Variants in FRAS1 observed in about 807,000 individuals in gnomAD.
FRAS1 encodes the protein Fraser extracellular matrix complex subunit 1, also known as extracellular matrix organizing protein FRAS1.
A neutral mutation model predicts 435.2 loss-of-function variants in FRAS1; 290 were observed. That is an observed-to-expected ratio of 0.67 (90% confidence interval 0.61 to 0.73). The LOEUF (loss-of-function observed/expected upper bound fraction) is 0.73. FRAS1 is among the 30% of genes least tolerant of loss of function. The probability of loss-of-function intolerance (pLI) is 0.00; values close to 1 mark genes in which losing one functional copy is unlikely to be tolerated. For synonymous variants in FRAS1, 1,800 were observed against 1,851.0 expected, an observed-to-expected ratio of 0.97 and a Z score of 0.71; for missense variants, 4,860 against 5,001.5, an observed-to-expected ratio of 0.97 and a Z score of 0.85.
rs1719026485 is a variant in FRAS1 at position 78,451,697 on chromosome 4, A to T, written c.6464-75A>T. 17 of 1,262,654 alleles carry T rather than the reference A, an allele frequency of 1.3e-5. 1 individual carries two copies. The South Asian group carries it at 2.5e-4, about 19-fold the overall frequency. The allele number at this position is 1,262,654 out of a possible 1,614,324, so 78.2% of individuals were successfully genotyped here. On this transcript the variant is annotated intron_variant, in intron 45 of 73. Transcript: ENST00000512123. ...GATTCATTGGTGTGAACACCAATTGAATTCACACCTCTTGCTTCAGAAATA... is the reference window on the plus strand; with the variant it reads ...GATTCATTGGTGTGAACACCAATTGTATTCACACCTCTTGCTTCAGAAATA...
At chr4:78,461,792 C>T (rs1046878234) in intron 47 of FRAS1, among the ~76,000 whole-genome samples, 1 of 152,144 alleles carries the variant, frequency 6.6e-6, no homozygotes, top group African/African-American at 2.4e-5. Flanking sequence ...CAAAGATTTG[C>T]ACACTAATAA....
chr4:78,447,009 C>A, intron 43 of FRAS1, 129 bp downstream of exon 43: 1 of 901,484 alleles, frequency 1.1e-6, no homozygotes, highest in Non-Finnish European at 1.6e-6. Context: ...AAAGTGTAAT[C>A]AAATTCACAG....
At position 78,245,148 on chromosome 4, in the gene FRAS1, T is replaced by C. The variant is rs1725172904; in HGVS notation, c.217-85T>C. 4 of 882,702 alleles carry C rather than the reference T, an allele frequency of 4.5e-6. No homozygotes were observed. In the South Asian group the frequency reaches 5.7e-5, roughly 13 times the overall value. 54.7% of individuals were successfully genotyped at this position (882,702 alleles called of 1,614,324 possible). ...TCAGAAACGCATGAGATTTAGTGAA[T>C]GTAAGATGACTTAGGGTCTGATGAA... On this transcript the variant is annotated intron_variant, in intron 3 of 73. Transcript: ENST00000512123.
At chr4:78,150,125 G>A (rs1720582957) in intron 2 of FRAS1, among the ~76,000 whole-genome samples, 1 of 152,170 alleles carries the variant, frequency 6.6e-6, no homozygotes, top group African/African-American at 2.4e-5. Context: ...GGTGATTCCA[G>A]CAGCTTTGCC....
intron 47 of FRAS1, among the ~76,000 whole-genome samples, chr4:78,462,994 C>T (rs181590890): frequency 6.6e-6 from 1 of 152,198 alleles, no homozygotes; most frequent in East Asian, 1.9e-4. Context: ...TGACAAATCA[C>T]CAAACCCAGA....
rs894247316 is a variant in FRAS1, at chr4:78,529,601, C to G, written c.10925+2944C>G. On this transcript the variant is annotated intron_variant, in intron 70 of 73. Transcript: ENST00000512123. ...AAGTTTTTGAACTCTAGACAGTAGT[C>G]CCCCCTTATCCTTGGAGTAAATGTT... 2.0e-5 allele frequency among the ~76,000 whole-genome samples: 3 copies of G among 152,138 alleles called. No homozygotes were observed. The South Asian group carries it at 6.2e-4, about 31-fold the overall frequency.
intron 2 of FRAS1, among the ~76,000 whole-genome samples, chr4:78,124,050 C>T (rs1418378266): frequency 6.6e-6 from 1 of 152,124 alleles, no homozygotes; most frequent in Non-Finnish European, 1.5e-5. Context: ...TTGTCTTGTG[C>T]CAGTTTTCAA....
chr4:78,312,179 C>CATATATATATATATATATATATATAT lies in FRAS1; in HGVS notation c.1679-3395_1679-3394insATATATATATATATATATATATATAT, dbSNP rs10526590. ...TTAGGTTGTCGAGCCATCTGAAGTC[C>CATATATATATATATATATATATATAT]ATATATATATATATATATATGGGTT... On this transcript the variant is annotated intron_variant, in intron 15 of 73. Transcript: ENST00000512123. Among the ~76,000 whole-genome samples the CATATATATATATATATATATATATAT allele has an allele frequency of 1.5e-3, 197 of 128,556 alleles. 2 individuals are homozygous for CATATATATATATATATATATATATAT. Among genetic ancestry groups the CATATATATATATATATATATATATAT allele is most frequent in the Middle Eastern group, 3.6e-3 (1 of 280 alleles). The allele number at this position is 128,556 out of a possible 152,430, so 84.3% of individuals were successfully genotyped here.
chr4:78,427,537 A>C (rs4975098), intron 35 of FRAS1, among the ~76,000 whole-genome samples: 1 of 151,642 alleles, frequency 6.6e-6, no homozygotes, highest in Non-Finnish European at 1.5e-5. Flanking sequence ...AGCATCCTGA[A>C]TCCACTAAAA....
At chr4:78,316,111 A>AAATAAAAT (rs1312865804) in intron 16 of FRAS1, among the ~76,000 whole-genome samples, 2 of 152,244 alleles carry the variant, frequency 1.3e-5, no homozygotes, top group Admixed American at 1.3e-4. Context: ...CACACCACAA[A>AAATAAAAT]AATAAAATTA....
At chr4:78,121,776 G>C (rs753061506) in intron 2 of FRAS1, among the ~76,000 whole-genome samples, 6 of 152,158 alleles carry the variant, frequency 3.9e-5, no homozygotes, top group Non-Finnish European at 8.8e-5. Flanking sequence ...AGACTTGGCT[G>C]TTTCTTTTTG....
chr4:78,400,920 G>A (rs556497773), intron 30 of FRAS1, 33 bp downstream of exon 30: 83 of 1,607,692 alleles, frequency 5.2e-5, no homozygotes, highest in East Asian at 2.0e-4. Context: ...TGGTTTCATC[G>A]TTGCATTCAG....
At position 78,421,881 on chromosome 4, in the gene FRAS1, A is replaced by T; in HGVS notation, c.4559A>T (p.Asp1520Val). 6.3e-7 allele frequency: 1 copy of T among 1,596,496 alleles called. No individual in the cohort carries two copies. Among genetic ancestry groups the T allele is most frequent in the South Asian group, 1.1e-5 (1 of 90,696 alleles). Residue 1520 changes from aspartate (D) to valine (V), a missense_variant, in exon 34 of 74, where the codon GAC becomes GTC. Transcript: ENST00000512123. ...CTCCCAGGTATCATCGAGCACCGGG[A>T]CCACCCTCACTCTCCTATCCGGTAT... ...HPNQGIIEHRDHPHSPIRYFT... is the reference protein window; with the variant it reads ...HPNQGIIEHRVHPHSPIRYFT...
At chr4:78,253,194 A>T (rs1725627098) in intron 5 of FRAS1, among the ~76,000 whole-genome samples, 1 of 152,194 alleles carries the variant, frequency 6.6e-6, no homozygotes, top group African/African-American at 2.4e-5. Context: ...ACGTCCATTT[A>T]TAGGCTGTCT....
chr4:78,298,339 A>G (rs1223580152), intron 14 of FRAS1, among the ~76,000 whole-genome samples: 2 of 151,568 alleles, frequency 1.3e-5, no homozygotes, highest in East Asian at 1.9e-4. Context: ...AGTGATGTGT[A>G]TATAAATATA....
intron 18 of FRAS1, among the ~76,000 whole-genome samples, chr4:78,332,174 CG>C (rs1451699963): frequency 3.9e-5 from 6 of 152,150 alleles, no homozygotes; most frequent in East Asian, 3.9e-4. Context: ...GGAGTGTAAG[CG>C]TATGATAAGG....
chr4:78,138,325 T>G (rs1162719233), intron 2 of FRAS1, among the ~76,000 whole-genome samples: 1 of 152,162 alleles, frequency 6.6e-6, no homozygotes, highest in Non-Finnish European at 1.5e-5. Context: ...TAGAAGCATT[T>G]AGGTCCAGGG....
chr4:78,410,199 T>C (rs1455301965), intron 31 of FRAS1, among the ~76,000 whole-genome samples: 2 of 152,198 alleles, frequency 1.3e-5, no homozygotes, highest in African/African-American at 4.8e-5. Flanking sequence ...TATGGAGCAC[T>C]TCCCTGGAAG....
At chr4:78,343,511 C>T (rs540010119) in intron 20 of FRAS1, among the ~76,000 whole-genome samples, 5 of 145,920 alleles carry the variant, frequency 3.4e-5, no homozygotes, top group South Asian at 4.7e-4. Flanking sequence ...CAAGGAGGTG[C>T]GGGTTTGCCA....
Sources: allele counts gnomAD v4.1 joint callset (sites outside exome capture counted in the v4.1 genomes callset), GRCh38; gene constraint gnomAD v4.1.1; transcripts MANE v1.5; gene names NCBI Gene and HGNC (gene_info 2026-07-23, HGNC 2026-07-21).